ZNF540: variants seen among roughly 807,000 people sequenced by gnomAD.
The protein encoded by ZNF540 is CTD-3064H18.6.
Under a neutral mutation model 11.8 loss-of-function variants are expected in ZNF540, and 3 were observed. The ratio of observed to expected loss-of-function variants is 0.25; its 90% CI spans 0.12 to 0.65. The LOEUF (loss-of-function observed/expected upper bound fraction) is 0.65, where lower values mean the gene tolerates loss of function less well. ZNF540 is among the 30% of genes least tolerant of loss of function. The pLI, the probability that ZNF540 is intolerant of heterozygous loss-of-function variation, is 0.83. For synonymous variants in ZNF540, 247 were observed against 259.0 expected (o/e 0.95, Z 0.45); for missense variants, 709 against 793.1 (o/e 0.89, Z 1.27).
chr19:37,568,929 C>T (rs1389432932), intron 1 of ZNF540, among the ~76,000 whole-genome samples: 2 of 151,938 alleles, frequency 1.3e-5, no homozygotes, highest in Non-Finnish European at 2.9e-5. Context: ...TTATCACCAA[C>T]ACCACTGCTG....
chr19:37,604,412 A>T (rs1267180392), intron 4 of ZNF540, among the ~76,000 whole-genome samples: 1 of 143,808 alleles, frequency 7.0e-6, no homozygotes. Context: ...GGTTCACGCC[A>T]TTCTCCTGCC....
chr19:37,596,118 A>G (rs2043991555), intron 1 of ZNF540, among the ~76,000 whole-genome samples: 1 of 152,180 alleles, frequency 6.6e-6, no homozygotes, highest in Non-Finnish European at 1.5e-5. Context: ...TAATATGACA[A>G]CCAGGATGTT....
At chr19:37,584,715 C>T (rs553628434) in intron 1 of ZNF540, among the ~76,000 whole-genome samples, 2 of 152,206 alleles carry the variant, frequency 1.3e-5, no homozygotes, top group Non-Finnish European at 2.9e-5. Context: ...GTAATCCCAG[C>T]ACTTTGGGAG....
At chr19:37,593,077 T>C (rs756862646), upstream of ZNF540, among the ~76,000 whole-genome samples, 2 of 152,148 alleles carry the variant, frequency 1.3e-5, no homozygotes, top group Non-Finnish European at 2.9e-5. Context: ...ACCACCACGC[T>C]GTTACACCAA....
intron 1 of ZNF540, chr19:37,586,788 G>T: frequency 8.5e-7 from 1 of 1,171,658 alleles, no homozygotes; most frequent in Non-Finnish European, 1.2e-6. Flanking sequence ...TTGGCTCACA[G>T]CCCACAAAAT....
chr19:37,578,972 C>A (rs1331205985), intron 1 of ZNF540, among the ~76,000 whole-genome samples: 1 of 152,062 alleles, frequency 6.6e-6, no homozygotes, highest in Non-Finnish European at 1.5e-5. Flanking sequence ...GCGCCACGTG[C>A]TCCGCAGCTG....
At chr19:37,565,597 T>G (rs1222861837) in intron 1 of ZNF540, 3 of 1,613,200 alleles carry the variant, frequency 1.9e-6, no homozygotes, top group Non-Finnish European at 2.5e-6. Flanking sequence ...ATTCATAGGG[T>G]TTTTCACCAC....
intron 1 of ZNF540, chr19:37,586,726 A>G: frequency 1.2e-6 from 2 of 1,612,294 alleles, no homozygotes; most frequent in South Asian, 2.2e-5. Context: ...GGAGGTGTGC[A>G]AAGTCCAGAG....
chr19:37,567,232 G>T (rs1277468403), intron 1 of ZNF540, among the ~76,000 whole-genome samples: 3 of 152,164 alleles, frequency 2.0e-5, no homozygotes, highest in African/African-American at 4.8e-5. Flanking sequence ...CTTAATCAAA[G>T]CAAGGGCTTT....
intron 1 of ZNF540, among the ~76,000 whole-genome samples, chr19:37,576,514 C>A (rs2043247692): frequency 6.6e-6 from 1 of 152,126 alleles, no homozygotes; most frequent in Admixed American, 6.5e-5. Context: ...GCAATTAACA[C>A]AAGATTGACT....
chr19:37,578,322 T>C (rs1228420180), intron 1 of ZNF540, among the ~76,000 whole-genome samples: 2 of 152,024 alleles, frequency 1.3e-5, no homozygotes, highest in African/African-American at 2.4e-5. Flanking sequence ...GGGACTGGCA[T>C]GGAGTGGGAG....
chr19:37,552,910 GC>G (rs1341537341), intron 1 of ZNF540, among the ~76,000 whole-genome samples: 1 of 151,942 alleles, frequency 6.6e-6, no homozygotes, highest in East Asian at 1.9e-4. Flanking sequence ...TGGCACCACT[GC>G]ACTCCAGCCT....
At chr19:37,584,379 A>C (rs2043587035) in intron 1 of ZNF540, among the ~76,000 whole-genome samples, 1 of 152,246 alleles carries the variant, frequency 6.6e-6, no homozygotes, top group South Asian at 2.1e-4. Flanking sequence ...CGTTTTCTTC[A>C]CAACAGGTTT....
chr19:37,583,420 T>G (rs2043545841), intron 1 of ZNF540: 1 of 151,620 alleles, frequency 6.6e-6, no homozygotes, highest in Non-Finnish European at 1.5e-5. Context: ...CAAATGGGAG[T>G]TGGGAGGGAG....
chr19:37,595,241 CGT>C (rs1273412171), intron 1 of ZNF540, 146 bp downstream of exon 1: 1 of 152,254 alleles, frequency 6.6e-6, no homozygotes, highest in Admixed American at 6.6e-5. Context: ...TGTGCGCGCG[CGT>C]GTCCGAGTGT....
At position 37,599,611 on chromosome 19, in the gene ZNF540, G is replaced by C; in HGVS notation, c.10-15G>C. 1.2e-6 allele frequency: 2 copies of C among 1,613,690 alleles called. No individual in the cohort carries two copies. Among genetic ancestry groups the C allele is most frequent in the Non-Finnish European group, 1.7e-6 (2 of 1,179,834 alleles). On this transcript the variant is annotated splice_polypyrimidine_tract_variant and intron_variant, in intron 2 of 4. Transcript: ENST00000316433. ...TCTGTAATTTCACCAGTAATATGTTGGTTTATGGTTTCAGGCATTGGTGAC... is the reference window on the plus strand; with the variant it reads ...TCTGTAATTTCACCAGTAATATGTTCGTTTATGGTTTCAGGCATTGGTGAC...
chr19:37,554,302 T>A (rs552928017), intron 1 of ZNF540, among the ~76,000 whole-genome samples: 1 of 152,334 alleles, frequency 6.6e-6, no homozygotes, highest in East Asian at 1.9e-4. Flanking sequence ...GTGCCCATGT[T>A]GCTGCAAAGA....
intron 1 of ZNF540, chr19:37,565,720 T>C (rs200533438): frequency 6.2e-7 from 1 of 1,613,928 alleles, no homozygotes; most frequent in East Asian, 2.2e-5. Flanking sequence ...CAGTGAGCTG[T>C]GAACCACGAA....
At chr19:37,590,278 G>A (rs1201090811), upstream of ZNF540, among the ~76,000 whole-genome samples, 11 of 151,956 alleles carry the variant, frequency 7.2e-5, no homozygotes, top group African/African-American at 1.2e-4. Flanking sequence ...TTAGCTGGGC[G>A]TGGTGGTGGG....
Sources: allele counts gnomAD v4.1 joint callset (sites outside exome capture counted in the v4.1 genomes callset), GRCh38; gene constraint gnomAD v4.1.1; transcripts MANE v1.5; gene names NCBI Gene and HGNC (gene_info 2026-07-23, HGNC 2026-07-21).